NBPF20: variants seen among roughly 807,000 people sequenced by gnomAD.
NBPF20 encodes the protein NBPF member 20.
In NBPF20, 90 loss-of-function variants were observed where a neutral mutation model predicts 68.1. The ratio of observed to expected loss-of-function variants is 1.32; its 90% CI spans 1.11 to 1.58. The LOEUF (loss-of-function observed/expected upper bound fraction) is 1.58, where lower values mean the gene tolerates loss of function less well. Ranked by LOEUF, NBPF20 falls within the 40% of genes most tolerant of loss-of-function variation. The pLI is 0.00. For missense variants in NBPF20, 816 were observed against 601.2 expected, an observed-to-expected ratio of 1.36 and a Z score of -3.74; for synonymous variants, 290 against 228.1, an observed-to-expected ratio of 1.27 and a Z score of -2.45.
chr1:145,419,139 G>A, the NBPF20 span, among the ~76,000 whole-genome samples: 5,548 of 137,996 alleles, frequency 0.04, 458 homozygotes, highest in African/African-American at 0.15. Flanking sequence ...AAGGGAGGAA[G>A]GAAGGAAGGA....
exon 138 of NBPF20, chr1:145,290,095 C>G (rs1392397564): frequency 6.7e-6 from 1 of 149,326 alleles, no homozygotes; most frequent in Non-Finnish European, 1.5e-5. Context: ...CTTTTTGCAA[C>G]AGCAGACACT....
intron 8 of NBPF20, 102 bp downstream of exon 13, chr1:145,394,876 G>T: frequency 1.9e-6 from 3 of 1,578,440 alleles, no homozygotes; most frequent in Admixed American, 1.7e-5. Context: ...AGCCCACGGT[G>T]ATGGCAAATC....
chr1:145,291,840 G>A (rs1367586137), intron 137 of NBPF20, 71 bp from the exon 143 acceptor site: 13 of 1,610,960 alleles, frequency 8.1e-6, no homozygotes, highest in East Asian at 4.5e-5. Flanking sequence ...CTAGATTTCA[G>A]AAGTCACATA....
In NBPF20 at chr1:145,405,191, A is replaced by C. The variant is rs373112567; in HGVS notation, c.82T>G (p.Leu28Val). 3,976 of 1,394,564 alleles carry C rather than the reference A, an allele frequency of 2.9e-3. 43 individuals are homozygous for C. In the African/African-American group the frequency reaches 0.05, roughly 18 times the overall value. The allele number at this position is 1,394,564 out of a possible 1,614,324, so 86.4% of individuals were successfully genotyped here. The change falls in exon 2 of 138, where the codon TTG (leucine) becomes GTG (valine). Residue 28 changes from leucine (L) to valine (V), a missense_variant. Physicochemically the swap from Leu to Val is conservative, Grantham distance 32. Coordinates refer to ENST00000369373, the Ensembl canonical transcript of NBPF20. Reference sequence around the variant, plus strand: ...CCGAACTGCTGTTTGTTCTCTGCCAACTGGGGGCGCAATTTCTCGTTGATT... The same window carrying C: ...CCGAACTGCTGTTTGTTCTCTGCCACCTGGGGGCGCAATTTCTCGTTGATT...
intron 137 of NBPF20, 74 bp downstream of exon 142, chr1:145,292,307 C>T (rs1305171904): frequency 1.6e-6 from 1 of 622,796 alleles, no homozygotes; most frequent in Admixed American, 2.7e-5. Flanking sequence ...ACATCAAACA[C>T]ACTCTGGTTT....
intron 10 of NBPF20, 92 bp downstream of exon 15, chr1:145,392,982 C>G: frequency 2.9e-6 from 1 of 343,776 alleles, no homozygotes; most frequent in Non-Finnish European, 4.9e-6. Flanking sequence ...GCAATGACAT[C>G]TCTCAGCTCA....
the NBPF20 span, among the ~76,000 whole-genome samples, chr1:145,419,013 C>A: frequency 7.5e-6 from 1 of 132,712 alleles, no homozygotes; most frequent in Non-Finnish European, 1.6e-5. Context: ...GCATGAGAGA[C>A]AAAGAAAAAG....
exon 138 of NBPF20, chr1:145,290,378 T>C (rs1454350733): frequency 7.4e-5 from 11 of 149,320 alleles, no homozygotes; most frequent in African/African-American, 2.8e-4. Flanking sequence ...AACTAGACCT[T>C]CTCTGCCCGC....
intron 2 of NBPF20, among the ~76,000 whole-genome samples, chr1:145,404,283 G>A (rs1473027905): frequency 6.6e-6 from 1 of 151,002 alleles, no homozygotes; most frequent in African/African-American, 2.4e-5. Flanking sequence ...GTTTTTTGAC[G>A]AGTCTTGCCC....
intron 137 of NBPF20, 50 bp downstream of exon 142, chr1:145,292,331 G>C (rs587772533): frequency 6.3e-6 from 4 of 639,924 alleles, no homozygotes; most frequent in East Asian, 2.5e-5. Flanking sequence ...TGAATCTGTT[G>C]CCTCCAGGTG....
At chr1:145,410,853 A>G in the NBPF20 span, among the ~76,000 whole-genome samples, 5 of 136,074 alleles carry the variant, frequency 3.7e-5, no homozygotes, top group African/African-American at 8.5e-5. Flanking sequence ...ATTTGGAGAT[A>G]ATAATCTTCA....
chr1:145,400,993 G>A, intron 5 of NBPF20, 66 bp downstream of exon 10: 1 of 1,528,588 alleles, frequency 6.5e-7, no homozygotes, highest in South Asian at 1.1e-5. Context: ...TGCCAGAGAG[G>A]GTGTGCCTCC....
intron 115 of NBPF20, 74 bp from the exon 121 acceptor site, chr1:145,309,322 G>A: frequency 8.8e-5 from 1 of 11,410 alleles, no homozygotes. Context: ...AGGTTTCATG[G>A]GTAGCATAGG....
chr1:145,407,413 A>ATATACATGTATACACG (rs1177645982), upstream of NBPF20, among the ~76,000 whole-genome samples: 2 of 147,076 alleles, frequency 1.4e-5, no homozygotes, highest in African/African-American at 2.5e-5. Context: ...TTATACACAT[A>ATATACATGTATACACG]TATACATGTA....
Position 145,405,175 on chromosome 1 carries a change from T to A in NBPF20, c.98A>T (p.Gln33Leu), listed in dbSNP as rs372641433. ...TCTCTCTTTGAGGTTTCCGAACTGC[T>A]GTTTGTTCTCTGCCAACTGGGGGCG... Residue 33 changes from glutamine to leucine, a missense_variant, in exon 2 of 138, where the codon CAG becomes CTG. Coordinates refer to ENST00000369373, the Ensembl canonical transcript of NBPF20. The A allele has an allele frequency of 1.5e-5, 24 of 1,613,450 alleles. No homozygotes were observed. In the African/African-American group the frequency reaches 2.8e-4, roughly 19 times the overall value.
In NBPF20 at chr1:145,291,779, G is replaced by T. The variant is rs782762868; in HGVS notation, c.16698-10C>A. ...CAGCACGCCGTTGAGCCTGGAAAAG[G>T]AGACAAAACTAAAGAAGCAGCCAGG... On this transcript the variant is annotated splice_polypyrimidine_tract_variant and intron_variant, in intron 137 of 137. Transcript: ENST00000369373. The T allele has an allele frequency of 4.3e-6, 7 of 1,611,784 alleles. No homozygotes were observed. The highest frequency in any genetic ancestry group is 1.3e-5 in the African/African-American group (1 of 74,760).
exon 138 of NBPF20, chr1:145,291,623 T>G: frequency 1.2e-6 from 2 of 1,611,966 alleles, no homozygotes; most frequent in Non-Finnish European, 1.7e-6. Context: ...GAAGCTGATG[T>G]GCTGTTCCTC....
Position 145,291,915 on chromosome 1 carries a change from A to C in NBPF20, c.16698-146T>G, listed in dbSNP as rs61812478. On this transcript the variant is annotated intron_variant, in intron 137 of 137. Coordinates refer to ENST00000369373, the Ensembl canonical transcript of NBPF20. ...GAGGTAAAAAAAAAATTTATTGCCT[A>C]TATGTTGGGATAGAACAGGGCCAGG... 10 of 1,515,236 alleles carry C rather than the reference A, an allele frequency of 6.6e-6. No individual in the cohort carries two copies. In the African/African-American group the frequency reaches 1.3e-4, roughly 19 times the overall value. 93.9% of individuals were successfully genotyped at this position (1,515,236 alleles called of 1,614,324 possible).
chr1:145,414,461 G>GCT, the NBPF20 span, among the ~76,000 whole-genome samples: 1 of 143,872 alleles, frequency 7.0e-6, no homozygotes, highest in African/African-American at 2.6e-5. Flanking sequence ...ATTATCTGTA[G>GCT]TGAACCTGGA....
Sources: allele counts gnomAD v4.1 joint callset (sites outside exome capture counted in the v4.1 genomes callset), GRCh38; gene constraint gnomAD v4.1.1; transcripts MANE v1.5; gene names NCBI Gene and HGNC (gene_info 2026-07-23, HGNC 2026-07-21).